The following RBFOX1 variants were observed in gnomAD, a reference collection of about 807,000 sequenced individuals.
RBFOX1 encodes the protein RNA binding protein fox-1 homolog 1.
In RBFOX1, 8 loss-of-function variants were observed where a neutral mutation model predicts 57.7. The ratio of observed to expected loss-of-function variants is 0.14; its 90% CI spans 0.08 to 0.25. The LOEUF is 0.25. RBFOX1 is among the 10% of genes least tolerant of loss of function. The probability of loss-of-function intolerance (pLI) is 1.00; values close to 1 mark genes in which losing one functional copy is unlikely to be tolerated. For missense variants in RBFOX1, 611 were observed against 548.5 expected (o/e 1.11, Z -1.14); for synonymous variants, 326 against 222.4 (o/e 1.47, Z -4.15).
chr16:6,802,031 A>G (rs1024777150), intron 3 of RBFOX1, among the ~76,000 whole-genome samples: 5 of 152,032 alleles, frequency 3.3e-5, no homozygotes, highest in African/African-American at 4.8e-5. Context: ...AGACCCCGCA[A>G]TAAACTTGTT....
chr16:5,977,413 T>G (rs533383683), intron 4 of RBFOX1, among the ~76,000 whole-genome samples: 1 of 152,222 alleles, frequency 6.6e-6, no homozygotes, highest in East Asian at 1.9e-4. Context: ...CTACGATCCC[T>G]GGTAATGCTC....
intron 4 of RBFOX1, chr16:7,423,024 C>T (rs907055100): frequency 6.6e-6 from 1 of 152,014 alleles, no homozygotes; most frequent in Non-Finnish European, 1.5e-5. Flanking sequence ...GGCTTCACAC[C>T]TGGGGTGAGT....
At chr16:7,031,076 G>T (rs2042672053) in intron 3 of RBFOX1, among the ~76,000 whole-genome samples, 1 of 152,166 alleles carries the variant, frequency 6.6e-6, no homozygotes, top group Admixed American at 6.5e-5. Flanking sequence ...TCCAAGGAGG[G>T]TAGCCAGGGT....
chr16:6,106,635 A>T (rs991904649), intron 1 of RBFOX1, among the ~76,000 whole-genome samples: 2 of 152,104 alleles, frequency 1.3e-5, no homozygotes, highest in Non-Finnish European at 1.5e-5. Context: ...CTCTTATGGA[A>T]GTATGCATAT....
chr16:7,005,886 C>G (rs1377540012), intron 3 of RBFOX1, among the ~76,000 whole-genome samples: 4 of 152,110 alleles, frequency 2.6e-5, no homozygotes, highest in Non-Finnish European at 5.9e-5. Flanking sequence ...TGGATAAGAA[C>G]TATGAAGATA....
chr16:5,427,400 C>G (rs1327208877), intron 1 of RBFOX1, among the ~76,000 whole-genome samples: 2 of 152,086 alleles, frequency 1.3e-5, no homozygotes, highest in African/African-American at 4.8e-5. Flanking sequence ...GCTTGGCCAG[C>G]ATGGTGAAAT....
chr16:6,042,160 G>C (rs913839399), intron 1 of RBFOX1, among the ~76,000 whole-genome samples: 1 of 151,558 alleles, frequency 6.6e-6, no homozygotes, highest in African/African-American at 2.4e-5. Context: ...GAGTGCAGTG[G>C]TGCCATCTCG....
chr16:7,097,695 G>T (rs931916307), intron 4 of RBFOX1, among the ~76,000 whole-genome samples: 1 of 152,112 alleles, frequency 6.6e-6, no homozygotes, highest in South Asian at 2.1e-4. Context: ...AAAGAAACCT[G>T]CTCCCCAAAC....
intron 3 of RBFOX1, among the ~76,000 whole-genome samples, chr16:5,648,515 C>G (rs2049122198): frequency 6.6e-6 from 1 of 152,026 alleles, no homozygotes; most frequent in Non-Finnish European, 1.5e-5. Context: ...TTGCTTAGTA[C>G]AACTTGCGGG....
At chr16:6,927,879 A>G (rs931486232) in intron 3 of RBFOX1, among the ~76,000 whole-genome samples, 6 of 152,228 alleles carry the variant, frequency 3.9e-5, no homozygotes, top group African/African-American at 1.4e-4. Flanking sequence ...GTGTACATAT[A>G]CTAATAGCAT....
chr16:7,355,290 A>C (rs2097195533), intron 4 of RBFOX1, among the ~76,000 whole-genome samples: 2 of 152,166 alleles, frequency 1.3e-5, no homozygotes, highest in Admixed American at 6.5e-5. Flanking sequence ...CCCTCTGTCA[A>C]GGTCTCTGAG....
rs146654052 is a variant in RBFOX1 at position 6,992,230 on chromosome 16, C to A, written c.-15-59827C>A. ...ACAGGCTGGAGTGCAGTGGTGCAAT[C>A]TCGGCTTACTGCAGCCTCTGCCTCC... On this transcript the variant is annotated intron_variant, in intron 3 of 15. Coordinates refer to ENST00000550418, the MANE Select transcript of RBFOX1 (RefSeq NM_018723.4). 4.4e-4 allele frequency among the ~76,000 whole-genome samples: 66 copies of A among 150,916 alleles called. No homozygotes were observed. The East Asian group carries it at 0.012, about 28-fold the overall frequency.
chr16:6,981,521 C>T (rs893235264), intron 3 of RBFOX1, among the ~76,000 whole-genome samples: 3 of 152,092 alleles, frequency 2.0e-5, no homozygotes, highest in South Asian at 4.2e-4. Flanking sequence ...CTAATAAAGA[C>T]GTACCTGAGA....
chr16:6,633,896 A>T (rs4786109), intron 2 of RBFOX1, among the ~76,000 whole-genome samples: 79,889 of 151,850 alleles, frequency 0.53, 23,111 homozygotes, highest in Middle Eastern at 0.73. Context: ...CTGTAGTCCT[A>T]GCGACTCAGG....
intron 1 of RBFOX1, among the ~76,000 whole-genome samples, chr16:5,329,982 CA>C (rs71142613): frequency 4.1e-5 from 6 of 144,704 alleles, no homozygotes; most frequent in African/African-American, 1.4e-4. Context: ...GACTCTGTCT[CA>C]AAAAAAAAAA....
chr16:6,625,191 T>C (rs1375279825), intron 2 of RBFOX1, among the ~76,000 whole-genome samples: 1 of 143,634 alleles, frequency 7.0e-6, no homozygotes, highest in Non-Finnish European at 1.5e-5. Flanking sequence ...AAAAAGGTAT[T>C]CTGGTGGATA....
intron 2 of RBFOX1, among the ~76,000 whole-genome samples, chr16:6,421,461 G>T (rs2093768979): frequency 6.6e-6 from 1 of 152,220 alleles, no homozygotes; most frequent in South Asian, 2.1e-4. Flanking sequence ...TTCTGAATCA[G>T]AATTTTGTCG....
intron 4 of RBFOX1, among the ~76,000 whole-genome samples, chr16:7,095,964 G>T (rs1248426290): frequency 7.0e-6 from 1 of 142,932 alleles, no homozygotes; most frequent in Non-Finnish European, 1.5e-5. Flanking sequence ...AGTGAGCTGA[G>T]ATCGCACCAC....
chr16:6,918,975 AATG>A (rs1015082532), intron 3 of RBFOX1, among the ~76,000 whole-genome samples: 5 of 151,848 alleles, frequency 3.3e-5, no homozygotes, highest in Non-Finnish European at 7.4e-5. Flanking sequence ...AACAACAGCT[AATG>A]ATTTTTGTTT....
Sources: gnomAD v4.1 joint callset for allele counts (sites outside exome capture counted in the v4.1 genomes callset) on GRCh38, gnomAD v4.1.1 for gene constraint, MANE v1.5 for transcripts, NCBI Gene and HGNC (gene_info 2026-07-23, HGNC 2026-07-21) for gene names.